The following PCTP variants were observed in gnomAD, a reference collection of about 807,000 sequenced individuals.
The protein encoded by PCTP is START domain-containing protein 2.
A neutral mutation model predicts 31.0 loss-of-function variants in PCTP; 27 were observed. That is an observed-to-expected ratio of 0.87 (90% CI 0.64 to 1.20). PCTP has a LOEUF of 1.20. Ranked by LOEUF, PCTP falls within the 50% of genes most tolerant of loss-of-function variation. PCTP has a pLI of 0.00. For missense variants in PCTP, 287 were observed against 268.2 expected (o/e 1.07, Z -0.49); for synonymous variants, 108 against 101.2 (o/e 1.07, Z -0.40).
chr17:55,806,544 A>G (rs1018811238), intron 3 of PCTP, among the ~76,000 whole-genome samples: 5 of 152,152 alleles, frequency 3.3e-5, no homozygotes, highest in Non-Finnish European at 5.9e-5. Flanking sequence ...TAGGACTAGA[A>G]TAAGACTGCC....
intron 3 of PCTP, among the ~76,000 whole-genome samples, chr17:55,812,980 G>A (rs886284575): frequency 1.3e-5 from 2 of 152,132 alleles, no homozygotes; most frequent in Non-Finnish European, 2.9e-5. Context: ...GGGCAGTCAC[G>A]GTGAATCCTG....
intron 1 of PCTP, among the ~76,000 whole-genome samples, chr17:55,762,843 C>T (rs1017301005): frequency 6.6e-5 from 10 of 152,044 alleles, no homozygotes; most frequent in African/African-American, 2.2e-4. Context: ...TACATTGCCA[C>T]GGGGTTCTCT....
downstream of PCTP, among the ~76,000 whole-genome samples, chr17:55,844,846 T>C (rs1906093049): frequency 6.6e-6 from 1 of 151,686 alleles, no homozygotes; most frequent in Non-Finnish European, 1.5e-5. Flanking sequence ...TCCCAGCACT[T>C]TGGGAGCCCG....
chr17:55,824,114 A>C (rs1008140578), downstream of PCTP, among the ~76,000 whole-genome samples: 2 of 152,142 alleles, frequency 1.3e-5, no homozygotes, highest in Non-Finnish European at 2.9e-5. Flanking sequence ...AGTCCATAGA[A>C]TAGAACTGCA....
chr17:55,773,438 G>T (rs989192293), intron 3 of PCTP, among the ~76,000 whole-genome samples: 2 of 152,304 alleles, frequency 1.3e-5, no homozygotes, highest in Admixed American at 1.3e-4. Flanking sequence ...TCATCTCCCA[G>T]TGCCTTCTTG....
At chr17:55,846,741 T>A (rs1033946658), downstream of PCTP, among the ~76,000 whole-genome samples, 5 of 152,202 alleles carry the variant, frequency 3.3e-5, no homozygotes, top group Non-Finnish European at 7.3e-5. Context: ...GTAGTTATAT[T>A]GTCAAAGATT....
At chr17:55,787,360 T>C (rs1474002719) in intron 2 of PCTP, among the ~76,000 whole-genome samples, 1 of 151,418 alleles carries the variant, frequency 6.6e-6, no homozygotes, top group East Asian at 1.9e-4. Context: ...TGAATATATA[T>C]ATATATTTTT....
chr17:55,809,233 A>G (rs762714182), intron 3 of PCTP, among the ~76,000 whole-genome samples: 7 of 152,182 alleles, frequency 4.6e-5, no homozygotes, highest in Non-Finnish European at 1.0e-4. Flanking sequence ...CTTCTCTCAA[A>G]CAAAAAACAA....
At chr17:55,825,754 CAA>C (rs1318925049), downstream of PCTP, among the ~76,000 whole-genome samples, 1 of 152,192 alleles carries the variant, frequency 6.6e-6, no homozygotes, top group Non-Finnish European at 1.5e-5. Context: ...CATTCACAGG[CAA>C]GTTATATGCC....
chr17:55,826,543 C>T (rs1598019524), downstream of PCTP, among the ~76,000 whole-genome samples: 1 of 151,734 alleles, frequency 6.6e-6, no homozygotes, highest in East Asian at 1.9e-4. Flanking sequence ...GGAAAGAACA[C>T]TGAAGTTGGT....
chr17:55,805,788 A>G (rs1912558302), intron 3 of PCTP, among the ~76,000 whole-genome samples: 1 of 151,892 alleles, frequency 6.6e-6, no homozygotes, highest in South Asian at 2.1e-4. Flanking sequence ...CTCATATTGT[A>G]CCTATTAAAT....
intron 3 of PCTP, among the ~76,000 whole-genome samples, chr17:55,792,335 A>G (rs1392167840): frequency 1.3e-5 from 2 of 150,010 alleles, no homozygotes; most frequent in Admixed American, 1.3e-4. Flanking sequence ...GAAAAAAAAA[A>G]GAAAAAACCA....
intron 3 of PCTP, among the ~76,000 whole-genome samples, chr17:55,793,736 A>G (rs965802137): frequency 2.0e-5 from 3 of 152,162 alleles, no homozygotes; most frequent in Non-Finnish European, 2.9e-5. Context: ...AGAAATTAAA[A>G]TACTATAGAA....
chr17:55,805,914 G>GTGTGTGTGTGTGTGTGTGTT (rs1912566644), intron 3 of PCTP, among the ~76,000 whole-genome samples: 1 of 151,776 alleles, frequency 6.6e-6, no homozygotes, highest in African/African-American at 2.4e-5. Flanking sequence ...GTGTGTGTGT[G>GTGTGTGTGTGTGTGTGTGTT]TGTTTGACTT....
intron 1 of PCTP, among the ~76,000 whole-genome samples, chr17:55,760,075 A>T (rs567113892): frequency 9.8e-5 from 15 of 152,342 alleles, no homozygotes; most frequent in African/African-American, 3.4e-4. Context: ...CCAGCACGAT[A>T]GCATCTCAAA....
chr17:55,848,589 C>T, the PCTP span, among the ~76,000 whole-genome samples: 1 of 152,190 alleles, frequency 6.6e-6, no homozygotes, highest in Non-Finnish European at 1.5e-5. Flanking sequence ...CACAATTTTG[C>T]TGTGAACTGG....
rs533587297 is a variant in PCTP at position 55,776,337 on chromosome 17, C to T, written c.*237C>T. 8.8e-6 allele frequency: 12 copies of T among 1,357,080 alleles called. No individual in the cohort carries two copies. Among genetic ancestry groups the T allele is most frequent in the Middle Eastern group, 2.7e-4 (1 of 3,702 alleles). 84.1% of individuals were successfully genotyped at this position (1,357,080 alleles called of 1,614,324 possible). ...CGTCTGCTTCCTTTCTCGCTCCCCC[C>T]ATCCTGGGCTGGGCTGCCTTCTTCT... On this transcript the variant is annotated 3_prime_UTR_variant, in exon 6 of 6. Transcript: ENST00000268896.
At position 55,771,345 on chromosome 17, in the gene PCTP, A is replaced by G. The variant is rs138529119; in HGVS notation, c.339+160A>G. 522 of 644,694 alleles carry G rather than the reference A, an allele frequency of 8.1e-4. 6 individuals carry two copies. The East Asian group carries it at 0.014, about 18-fold the overall frequency. The allele number at this position is 644,694 out of a possible 1,614,324, so 39.9% of individuals were successfully genotyped here. ...ATTTGCTAAAGATATTGCTTCTTGT[A>G]TGGTGTTTGGAGAGCTCAGAGTGTG... On this transcript the variant is annotated intron_variant, in intron 3 of 5. Transcript: ENST00000268896.
intron 4 of PCTP, among the ~76,000 whole-genome samples, chr17:55,774,285 T>G (rs575854862): frequency 1.6e-3 from 241 of 152,222 alleles, no homozygotes; most frequent in Non-Finnish European, 2.0e-3. Flanking sequence ...CAGTACCAAC[T>G]CAGAGCTACT....
Sources: allele counts gnomAD v4.1 joint callset (sites outside exome capture counted in the v4.1 genomes callset), GRCh38; gene constraint gnomAD v4.1.1; transcripts MANE v1.5; gene names NCBI Gene and HGNC (gene_info 2026-07-23, HGNC 2026-07-21).